The following CSMD1 variants were observed in gnomAD, a reference collection of about 807,000 sequenced individuals.
CSMD1 encodes the protein CUB and sushi domain-containing protein 1.
CSMD1 carries 213 observed loss-of-function variants against 417.5 expected under a neutral mutation model. That is an observed-to-expected ratio of 0.51 (90% confidence interval 0.46 to 0.57). The LOEUF is 0.57. CSMD1 is among the 20% of genes least tolerant of loss of function. The pLI is 0.00. For synonymous variants in CSMD1, 2,862 were observed against 1,736.8 expected (o/e 1.65, Z -16.11); for missense variants, 6,923 against 4,529.7 (o/e 1.53, Z -15.17).
chr8:3,934,014 T>A (rs1810320477), intron 5 of CSMD1, among the ~76,000 whole-genome samples: 1 of 152,146 alleles, frequency 6.6e-6, no homozygotes, highest in African/African-American at 2.4e-5. Flanking sequence ...GCCTAAGGCC[T>A]GAATCCACAA....
intron 38 of CSMD1, among the ~76,000 whole-genome samples, chr8:3,161,624 G>C (rs946263174): frequency 3.4e-5 from 2 of 58,294 alleles, no homozygotes; most frequent in African/African-American, 5.6e-5. Flanking sequence ...CTCCCTCTCA[G>C]AAAAAAAAAA....
chr8:4,641,517 G>A (rs143845265), intron 1 of CSMD1, among the ~76,000 whole-genome samples: 73 of 152,204 alleles, frequency 4.8e-4, no homozygotes, highest in Middle Eastern at 6.8e-3. Flanking sequence ...TTTGTTGACC[G>A]TCTAAGTAGC....
At chr8:4,458,571 T>G (rs140182676) in intron 2 of CSMD1, among the ~76,000 whole-genome samples, 3 of 152,222 alleles carry the variant, frequency 2.0e-5, no homozygotes, top group African/African-American at 7.2e-5. Context: ...TTGAAAGACA[T>G]TGTAACAGTA....
intron 3 of CSMD1, among the ~76,000 whole-genome samples, chr8:4,070,752 A>G (rs1585249355): frequency 6.6e-6 from 1 of 151,968 alleles, no homozygotes; most frequent in African/African-American, 2.4e-5. Flanking sequence ...CATTTCCTCC[A>G]CCACGAGCCT....
chr8:4,497,830 G>A (rs535037155), intron 2 of CSMD1, among the ~76,000 whole-genome samples: 1 of 152,270 alleles, frequency 6.6e-6, no homozygotes, highest in South Asian at 2.1e-4. Context: ...AGAATCAACG[G>A]TAGAAAAATA....
intron 54 of CSMD1, among the ~76,000 whole-genome samples, chr8:2,987,872 T>C (rs1806060998): frequency 6.6e-6 from 1 of 152,190 alleles, no homozygotes; most frequent in Non-Finnish European, 1.5e-5. Flanking sequence ...AGGAGCTTTG[T>C]TAAGTCACAT....
intron 2 of CSMD1, among the ~76,000 whole-genome samples, chr8:4,557,630 C>T (rs1219064598): frequency 6.6e-6 from 1 of 150,930 alleles, no homozygotes; most frequent in African/African-American, 2.4e-5. Flanking sequence ...CAGCAGTATC[C>T]CAGAACAGAA....
At chr8:3,334,587 G>C (rs377451679) in intron 23 of CSMD1, among the ~76,000 whole-genome samples, 2 of 152,066 alleles carry the variant, frequency 1.3e-5, no homozygotes, top group Non-Finnish European at 2.9e-5. Context: ...TTTAATTTTC[G>C]CATCCACAGG....
intron 3 of CSMD1, among the ~76,000 whole-genome samples, chr8:4,221,196 T>A (rs891388532): frequency 6.6e-6 from 1 of 152,146 alleles, no homozygotes; most frequent in South Asian, 2.1e-4. Flanking sequence ...CTGGCTTTAG[T>A]CTCTGCCCCA....
At chr8:4,224,788 T>G (rs1801246372) in intron 3 of CSMD1, among the ~76,000 whole-genome samples, 1 of 152,216 alleles carries the variant, frequency 6.6e-6, no homozygotes, top group Admixed American at 6.5e-5. Flanking sequence ...CTTAAAATGT[T>G]AAAATGTGTG....
In CSMD1 at chr8:3,613,264, G is replaced by A. The variant is rs368578056; in HGVS notation, c.1097+3446C>T. ...TGTAAGTAGAAAAGAAATTCAATCC[G>A]TAATTAAAAACCTACTTGTAAGAAA... On this transcript the variant is annotated intron_variant, in intron 8 of 69. Transcript: ENST00000635120. 1.0e-4 allele frequency: 44 copies of A among 419,826 alleles called. No individual in the cohort carries two copies. In the East Asian group the frequency reaches 2.4e-3, roughly 23 times the overall value. The allele number at this position is 419,826 out of a possible 1,614,324, so 26.0% of individuals were successfully genotyped here.
intron 7 of CSMD1, among the ~76,000 whole-genome samples, chr8:3,651,797 C>T (rs1338462557): frequency 2.0e-5 from 3 of 151,584 alleles, no homozygotes; most frequent in Non-Finnish European, 4.4e-5. Context: ...CACCCACCAC[C>T]ATCGCACTTA....
chr8:3,208,584 A>G (rs1051904775), intron 30 of CSMD1, among the ~76,000 whole-genome samples: 27 of 152,078 alleles, frequency 1.8e-4, no homozygotes, highest in African/African-American at 6.0e-4. Context: ...GTGATTGTTA[A>G]TACTGAATGT....
chr8:3,565,131 CAA>C (rs869248314), intron 10 of CSMD1, among the ~76,000 whole-genome samples: 349 of 10,390 alleles, frequency 0.034, no homozygotes, highest in Non-Finnish European at 0.039. Context: ...TGCAAGACAG[CAA>C]AAAAAAAAAA....
chr8:3,749,753 T>C (rs7007853), intron 6 of CSMD1, among the ~76,000 whole-genome samples: 15,738 of 152,082 alleles, frequency 0.1, 1,698 homozygotes, highest in African/African-American at 0.28. Flanking sequence ...TCACGAAATA[T>C]TGTATGTGAG....
chr8:4,944,123 G>T (rs750677007), intron 1 of CSMD1, among the ~76,000 whole-genome samples: 6 of 152,244 alleles, frequency 3.9e-5, no homozygotes, highest in Non-Finnish European at 7.4e-5. Flanking sequence ...TCTAAATTCT[G>T]CTGAGTTTTA....
intron 12 of CSMD1, among the ~76,000 whole-genome samples, chr8:3,442,035 G>C (rs1278940863): frequency 3.3e-5 from 5 of 150,182 alleles, no homozygotes; most frequent in African/African-American, 4.9e-5. Flanking sequence ...TTGTGTATTA[G>C]TTTTAAACAA....
chr8:3,675,146 T>C (rs1799307395), intron 7 of CSMD1, among the ~76,000 whole-genome samples: 1 of 152,142 alleles, frequency 6.6e-6, no homozygotes, highest in African/African-American at 2.4e-5. Flanking sequence ...ATGGCTCAAG[T>C]GCCACTTTCT....
intron 1 of CSMD1, among the ~76,000 whole-genome samples, chr8:4,864,788 A>C (rs1384684229): frequency 6.6e-6 from 1 of 151,448 alleles, no homozygotes; most frequent in Non-Finnish European, 1.5e-5. Flanking sequence ...TAGCTAAAGC[A>C]GATAATTTTT....
Sources: gnomAD v4.1 joint callset for allele counts (sites outside exome capture counted in the v4.1 genomes callset) on GRCh38, gnomAD v4.1.1 for gene constraint, MANE v1.5 for transcripts, NCBI Gene and HGNC (gene_info 2026-07-23, HGNC 2026-07-21) for gene names.